The following PLPPR5 variants were observed in gnomAD, a reference collection of about 807,000 sequenced individuals.
The protein encoded by PLPPR5 is phospholipid phosphatase-related protein type 5.
In PLPPR5, 16 loss-of-function variants were observed where a neutral mutation model predicts 33.9. That is an observed-to-expected ratio of 0.47 (90% confidence interval 0.32 to 0.72). The LOEUF is 0.72. Ranked by LOEUF, PLPPR5 falls within the 30% of genes least tolerant of loss-of-function variation. The probability of loss-of-function intolerance (pLI) is 0.03; values close to 1 mark genes in which losing one functional copy is unlikely to be tolerated. For synonymous variants in PLPPR5, 163 were observed against 150.3 expected, an observed-to-expected ratio of 1.08 and a Z score of -0.62; for missense variants, 301 against 406.7, an observed-to-expected ratio of 0.74 and a Z score of 2.23.
intron 1 of PLPPR5, among the ~76,000 whole-genome samples, chr1:98,973,864 G>T (rs1336187315): frequency 6.7e-6 from 1 of 149,542 alleles, no homozygotes; most frequent in Non-Finnish European, 1.5e-5. Flanking sequence ...ACTTAATTTT[G>T]TTCACAGTGG....
chr1:98,948,544 A>G (rs1305734772), intron 3 of PLPPR5, among the ~76,000 whole-genome samples: 1 of 152,124 alleles, frequency 6.6e-6, no homozygotes, highest in Non-Finnish European at 1.5e-5. Context: ...TACCCCCAAC[A>G]ATCTGGGCTG....
chr1:98,991,460 C>T (rs1652448841), intron 1 of PLPPR5, among the ~76,000 whole-genome samples: 1 of 152,086 alleles, frequency 6.6e-6, no homozygotes, highest in Admixed American at 6.6e-5. Flanking sequence ...TTGCAAGGTA[C>T]ACTCAAAATA....
chr1:98,894,419 A>G (rs12030278), intron 5 of PLPPR5, among the ~76,000 whole-genome samples: 18,168 of 152,088 alleles, frequency 0.12, 1,262 homozygotes, highest in South Asian at 0.23. Flanking sequence ...ATAATACATC[A>G]CAGTTTTATT....
At chr1:98,947,535 G>A (rs1045384330) in intron 3 of PLPPR5, among the ~76,000 whole-genome samples, 1 of 152,138 alleles carries the variant, frequency 6.6e-6, no homozygotes, top group Non-Finnish European at 1.5e-5. Flanking sequence ...TTATGATTAT[G>A]AGCAATTATT....
At chr1:98,949,218 A>AT (rs909936186) in intron 3 of PLPPR5, among the ~76,000 whole-genome samples, 31 of 150,230 alleles carry the variant, frequency 2.1e-4, no homozygotes, top group East Asian at 3.9e-4. Flanking sequence ...AACTCTCACA[A>AT]TTTTTTTTTT....
chr1:98,985,337 G>C (rs1370217490), intron 1 of PLPPR5, among the ~76,000 whole-genome samples: 1 of 152,022 alleles, frequency 6.6e-6, no homozygotes, highest in Non-Finnish European at 1.5e-5. Context: ...AATCAACAGA[G>C]TCACGTGCTG....
At chr1:98,946,490 C>T (rs920496017) in intron 3 of PLPPR5, among the ~76,000 whole-genome samples, 1 of 152,140 alleles carries the variant, frequency 6.6e-6, no homozygotes, top group African/African-American at 2.4e-5. Flanking sequence ...CTGAGGTTCC[C>T]CCTTACCTGT....
At chr1:98,969,019 A>G (rs1392241774) in intron 1 of PLPPR5, among the ~76,000 whole-genome samples, 2 of 152,082 alleles carry the variant, frequency 1.3e-5, no homozygotes, top group African/African-American at 4.8e-5. Context: ...TTTCCTCCCA[A>G]CTACTTTCCC....
Position 98,891,504 on chromosome 1 carries a change from C to A in PLPPR5, c.*1568G>T, listed in dbSNP as rs1306182955. The A allele has an allele frequency of 6.6e-6, 1 of 151,956 alleles. No individual in the cohort carries two copies. The highest frequency in any genetic ancestry group is 2.4e-5 in the African/African-American group (1 of 41,388). 9.4% of individuals were successfully genotyped at this position (151,956 alleles called of 1,614,324 possible). On this transcript the variant is annotated 3_prime_UTR_variant, in exon 6 of 6. Coordinates refer to ENST00000263177, the MANE Select transcript of PLPPR5 (RefSeq NM_001037317.2). ...AAGTTATTGTTGAGGAGCTCACCTT[C>A]CTTATATTATGGCGATTGTAATCTG...
At chr1:98,900,446 T>A (rs1315148398) in intron 5 of PLPPR5, among the ~76,000 whole-genome samples, 1 of 152,122 alleles carries the variant, frequency 6.6e-6, no homozygotes, top group Non-Finnish European at 1.5e-5. Context: ...CTGTATATGG[T>A]TACAAAATTC....
intron 5 of PLPPR5, among the ~76,000 whole-genome samples, chr1:98,913,074 C>A (rs775429628): frequency 2.7e-4 from 41 of 152,208 alleles, no homozygotes; most frequent in Admixed American, 1.1e-3. Flanking sequence ...TTCTTACACT[C>A]ACTTTTCTTT....
Position 98,933,193 on chromosome 1 carries a change from T to A in PLPPR5, c.622-11135A>T, listed in dbSNP as rs553871037. On this transcript the variant is annotated intron_variant, in intron 3 of 5. Transcript: ENST00000263177. Reference sequence around the variant, plus strand: ...CTTGCCTTGCATAGAGAGGGCTTTTTAAAAAAAAAAAAAAGGTTTCAGTGG... The same window carrying A: ...CTTGCCTTGCATAGAGAGGGCTTTTAAAAAAAAAAAAAAAGGTTTCAGTGG... Among the ~76,000 whole-genome samples the A allele has an allele frequency of 7.0e-5, 10 of 143,876 alleles. No homozygotes were observed. In the East Asian group the frequency reaches 8.2e-4, roughly 12 times the overall value. 94.4% of individuals were successfully genotyped at this position (143,876 alleles called of 152,430 possible).
rs148557376 is a variant in PLPPR5, at chr1:98,996,893, A to G, written c.237+7542T>C. Among the ~76,000 whole-genome samples, 46 of 152,306 alleles carry G rather than the reference A, an allele frequency of 3.0e-4. No homozygotes were observed. The East Asian group carries it at 8.7e-3, about 29-fold the overall frequency. On this transcript the variant is annotated intron_variant, in intron 1 of 5. Transcript: ENST00000263177. ...CTCTCCCTTGCCTGCTAGGAATGCC[A>G]TCATTTATGCTATAAATCAAATCAG...
intron 3 of PLPPR5, among the ~76,000 whole-genome samples, chr1:98,926,447 AGTGTGTGTGTGTGTGTGTGTGTGTGT>A (rs60874366): frequency 1.5e-5 from 2 of 132,616 alleles, no homozygotes; most frequent in Non-Finnish European, 3.2e-5. Flanking sequence ...AGGTTTGATT[AGTGTGTGTGTGTGTGTGTGTGTGTGT>A]GTGTGTGTGT....
chr1:98,938,524 A>G (rs1320945878), intron 3 of PLPPR5, among the ~76,000 whole-genome samples: 1 of 148,330 alleles, frequency 6.7e-6, no homozygotes, highest in African/African-American at 2.4e-5. Context: ...ATTAAAATAC[A>G]TTTATATATT....
At chr1:98,984,631 A>C (rs1652188773) in intron 1 of PLPPR5, among the ~76,000 whole-genome samples, 1 of 152,062 alleles carries the variant, frequency 6.6e-6, no homozygotes, top group Non-Finnish European at 1.5e-5. Context: ...ACTCTTTAAA[A>C]ATATTCTTTT....
chr1:98,913,559 A>G (rs1396963916), intron 5 of PLPPR5, among the ~76,000 whole-genome samples: 2 of 152,214 alleles, frequency 1.3e-5, no homozygotes, highest in African/African-American at 4.8e-5. Flanking sequence ...TTACACGTGA[A>G]GTTTTTAAAA....
chr1:98,923,655 A>G lies in PLPPR5; in HGVS notation c.622-1597T>C, dbSNP rs922705119. On this transcript the variant is annotated intron_variant, in intron 3 of 5. Coordinates refer to ENST00000263177, the MANE Select transcript of PLPPR5 (RefSeq NM_001037317.2). ...CTTTTACAATCCATCCCAGGTCTCA[A>G]TACTCTGGGGCAGGGGGAGCTGAAC... Among the ~76,000 whole-genome samples, 12 of 152,208 alleles carry G rather than the reference A, an allele frequency of 7.9e-5. No homozygotes were observed. In the East Asian group the frequency reaches 1.5e-3, roughly 20 times the overall value.
chr1:98,904,262 T>C (rs1233771203), intron 5 of PLPPR5, among the ~76,000 whole-genome samples: 4 of 79,912 alleles, frequency 5.0e-5, no homozygotes, highest in Admixed American at 3.9e-4. Context: ...TTACTTTCCC[T>C]TTTTTTTTTT....
Sources: allele counts gnomAD v4.1 joint callset (sites outside exome capture counted in the v4.1 genomes callset), GRCh38; gene constraint gnomAD v4.1.1; transcripts MANE v1.5; gene names NCBI Gene and HGNC (gene_info 2026-07-23, HGNC 2026-07-21).